The following AIG1 variants were observed in gnomAD, a reference collection of about 807,000 sequenced individuals.
The protein encoded by AIG1 is androgen induced 1, also known as androgen-induced gene 1 protein.
Under a neutral mutation model 31.4 loss-of-function variants are expected in AIG1, and 23 were observed. The observed-to-expected ratio is 0.73, with a 90% CI of 0.53 to 1.04. The LOEUF (loss-of-function observed/expected upper bound fraction) is 1.04. Among genes scored for constraint, AIG1 ranks in the 50% least tolerant of loss-of-function variants. The probability of loss-of-function intolerance (pLI) is 0.00; values close to 1 mark genes in which losing one functional copy is unlikely to be tolerated. For synonymous variants in AIG1, 100 were observed against 110.5 expected (o/e 0.90, Z 0.60); for missense variants, 274 against 295.0 (o/e 0.93, Z 0.52).
rs1307405320 is a variant in AIG1 at position 143,165,206 on chromosome 6, CTTTCT to C, written c.399+27_399+31del. The C allele has an allele frequency of 1.9e-6, 3 of 1,554,768 alleles. 1 individual carries two copies. Among genetic ancestry groups the C allele is most frequent in the South Asian group, 2.2e-5 (2 of 89,034 alleles). On this transcript the variant is annotated intron_variant, in intron 3 of 5. Coordinates refer to ENST00000357847, the MANE Select transcript of AIG1 (RefSeq NM_016108.4). ...ATGGTGAGTGGATTAAAACAAACGG[CTTTCT>C]TTTATTTTAAAAAATCTATTAAATA... is the stretch of plus-strand genomic sequence containing the variant.
intron 1 of AIG1, among the ~76,000 whole-genome samples, chr6:143,099,811 G>A (rs1363924205): frequency 2.0e-5 from 3 of 152,148 alleles, no homozygotes; most frequent in Non-Finnish European, 4.4e-5. Context: ...TCACTGATTA[G>A]CCAATTAGGA....
chr6:143,074,452 C>T (rs779385151), intron 1 of AIG1, among the ~76,000 whole-genome samples: 1 of 152,138 alleles, frequency 6.6e-6, no homozygotes, highest in South Asian at 2.1e-4. Context: ...TAATTTTATT[C>T]TTCTGCCTGT....
intron 2 of AIG1, among the ~76,000 whole-genome samples, chr6:143,137,288 T>G (rs1783853951): frequency 6.6e-6 from 1 of 152,210 alleles, no homozygotes; most frequent in Non-Finnish European, 1.5e-5. Flanking sequence ...TGTGCCTGTC[T>G]TTGCCTAAAC....
intron 1 of AIG1, among the ~76,000 whole-genome samples, chr6:143,073,351 T>C (rs2128463132): frequency 6.6e-6 from 1 of 152,342 alleles, no homozygotes; most frequent in Non-Finnish European, 1.5e-5. Flanking sequence ...GATATCTTTG[T>C]GAGATGGTGA....
At chr6:143,211,888 G>T (rs1478486085) in intron 3 of AIG1, among the ~76,000 whole-genome samples, 1 of 148,944 alleles carries the variant, frequency 6.7e-6, no homozygotes, top group Non-Finnish European at 1.5e-5. Context: ...GCGAGACCCT[G>T]TCTCAAAAAA....
chr6:143,191,297 T>A (rs1420291828), intron 3 of AIG1, among the ~76,000 whole-genome samples: 1 of 152,124 alleles, frequency 6.6e-6, no homozygotes, highest in Non-Finnish European at 1.5e-5. Context: ...ATATTAATAT[T>A]TAATATAAGA....
chr6:143,164,170 T>G (rs918516025), intron 2 of AIG1, among the ~76,000 whole-genome samples: 34 of 152,202 alleles, frequency 2.2e-4, no homozygotes, highest in Non-Finnish European at 7.3e-5. Context: ...TTTTTCCATT[T>G]TGTAGCATTT....
intron 2 of AIG1, among the ~76,000 whole-genome samples, chr6:143,160,221 G>C (rs568171557): frequency 2.0e-5 from 3 of 152,042 alleles, no homozygotes; most frequent in African/African-American, 7.2e-5. Context: ...TCTTCATGGC[G>C]AATTTCTCTC....
intron 1 of AIG1, among the ~76,000 whole-genome samples, chr6:143,097,076 G>T (rs1241122872): frequency 6.6e-6 from 1 of 151,976 alleles, no homozygotes; most frequent in South Asian, 2.1e-4. Flanking sequence ...TTAAAAAATT[G>T]CCATTAGTGA....
chr6:143,191,254 GCAT>G (rs1218194424), intron 3 of AIG1, among the ~76,000 whole-genome samples: 1 of 151,956 alleles, frequency 6.6e-6, no homozygotes. Flanking sequence ...TAAAATACTG[GCAT>G]CATCTCAAGA....
intron 1 of AIG1, among the ~76,000 whole-genome samples, chr6:143,075,506 A>C (rs568513564): frequency 6.6e-6 from 1 of 152,172 alleles, no homozygotes; most frequent in Admixed American, 6.6e-5. Flanking sequence ...GGGTTTTGCC[A>C]TGTTGCCCAG....
At chr6:143,337,706 C>T (rs1268274585) in intron 5 of AIG1, among the ~76,000 whole-genome samples, 1 of 152,178 alleles carries the variant, frequency 6.6e-6, no homozygotes, top group Admixed American at 6.5e-5. Context: ...CACCTCTTCT[C>T]CTCCAGCTAC....
intron 1 of AIG1, among the ~76,000 whole-genome samples, chr6:143,075,829 A>G (rs1476673556): frequency 6.6e-6 from 1 of 152,196 alleles, no homozygotes; most frequent in Middle Eastern, 3.2e-3. Context: ...AATATTTTTA[A>G]AAATTTCCTT....
chr6:143,227,825 C>T (rs936234616), intron 3 of AIG1, among the ~76,000 whole-genome samples: 3 of 152,080 alleles, frequency 2.0e-5, no homozygotes, highest in Non-Finnish European at 2.9e-5. Context: ...CTGGGGCCAT[C>T]GAAGGACCGA....
chr6:143,239,765 A>G (rs2128638058), intron 3 of AIG1, among the ~76,000 whole-genome samples: 1 of 152,302 alleles, frequency 6.6e-6, no homozygotes, highest in South Asian at 2.1e-4. Context: ...GATCAAATAA[A>G]TGAAGTGAGA....
chr6:143,066,649 A>G (rs1288862949), intron 1 of AIG1, among the ~76,000 whole-genome samples: 1 of 152,230 alleles, frequency 6.6e-6, no homozygotes, highest in Admixed American at 6.5e-5. Context: ...AGAAATTACA[A>G]TTTGAAAATA....
At chr6:143,305,708 T>C (rs1440964784) in intron 4 of AIG1, among the ~76,000 whole-genome samples, 3 of 152,194 alleles carry the variant, frequency 2.0e-5, no homozygotes, top group African/African-American at 7.2e-5. Flanking sequence ...TCTGTTGATT[T>C]GGGGTGAAGA....
chr6:143,215,971 A>T (rs1192497030), intron 3 of AIG1, among the ~76,000 whole-genome samples: 1 of 152,126 alleles, frequency 6.6e-6, no homozygotes, highest in East Asian at 1.9e-4. Context: ...TGTTAGAATA[A>T]AATTTTAATT....
intron 1 of AIG1, among the ~76,000 whole-genome samples, chr6:143,109,730 G>T (rs114834426): frequency 0.037 from 5,639 of 152,044 alleles, 144 homozygotes; most frequent in Middle Eastern, 0.099. Context: ...ATACTGGGTA[G>T]TCTTTCTTTT....
Sources: gnomAD v4.1 joint callset for allele counts (sites outside exome capture counted in the v4.1 genomes callset) on GRCh38, gnomAD v4.1.1 for gene constraint, MANE v1.5 for transcripts, NCBI Gene and HGNC (gene_info 2026-07-23, HGNC 2026-07-21) for gene names.